Variants in ZNF107 observed in about 807,000 individuals in gnomAD.
ZNF107 encodes zinc finger protein 107, also known as C2H2 type zinc-finger protein.
ZNF107 carries 19 observed loss-of-function variants against 12.3 expected under a neutral mutation model. That is an observed-to-expected ratio of 1.55 (90% confidence interval 1.08 to 2.27). ZNF107 has a LOEUF of 2.27. ZNF107 is among the 30% of genes most tolerant of loss of function. ZNF107 has a pLI of 0.00. For missense variants in ZNF107, 958 were observed against 979.9 expected, an observed-to-expected ratio of 0.98 and a Z score of 0.30; for synonymous variants, 317 against 330.5, an observed-to-expected ratio of 0.96 and a Z score of 0.44.
Position 64,691,292 on chromosome 7 carries a change from G to A in ZNF107, c.48G>A (p.Glu16=). 1 of 1,556,404 alleles carries A rather than the reference G, an allele frequency of 6.4e-7. No homozygotes were observed. The highest frequency in any genetic ancestry group is 1.2e-5 in the South Asian group (1 of 83,790). ...FKDVAIEFSL[E]EWQCLDTAQR... ...ATGTCGCCATAGAATTCTCTCTGGAGGAGTGGCAATGCCTGGATACTGCAC... is the reference window on the plus strand; with the variant it reads ...ATGTCGCCATAGAATTCTCTCTGGAAGAGTGGCAATGCCTGGATACTGCAC... Residue 16 remains glutamate (E), a synonymous_variant, in exon 2 of 4, where the codon GAG becomes GAA. Transcript: ENST00000620827.
At chr7:64,682,832 C>A (rs182553738) in intron 1 of ZNF107, among the ~76,000 whole-genome samples, 4 of 152,266 alleles carry the variant, frequency 2.6e-5, no homozygotes, top group African/African-American at 7.2e-5. Flanking sequence ...TTATTTTAAA[C>A]CCCATGCTAA....
intron 1 of ZNF107, chr7:64,684,846 CCCACTT>C: frequency 2.0e-6 from 1 of 495,044 alleles, no homozygotes; most frequent in Non-Finnish European, 2.6e-6. Context: ...TGGCCGCACT[CCCACTT>C]CCAGTAATGC....
rs1790876971 is a variant in ZNF107 at position 64,711,206 on chromosome 7, A to G, written c.*2550A>G. 6.6e-6 allele frequency: 1 copy of G among 152,152 alleles called. No homozygotes were observed. Among genetic ancestry groups the G allele is most frequent in the African/African-American group, 2.4e-5 (1 of 41,444 alleles). The allele number at this position is 152,152 out of a possible 1,614,324, so 9.4% of individuals were successfully genotyped here. On this transcript the variant is annotated 3_prime_UTR_variant, in exon 4 of 4. Coordinates refer to ENST00000620827, the MANE Select transcript of ZNF107 (RefSeq NM_001282359.2). ...ATAACATAATGGGCTAACATCTCTA[A>G]TAATTATTTTTGCTAGTGACTTTAA... is the stretch of plus-strand genomic sequence containing the variant.
intron 3 of ZNF107, among the ~76,000 whole-genome samples, chr7:64,705,398 C>T (rs1004861914): frequency 7.3e-5 from 11 of 151,348 alleles, no homozygotes; most frequent in African/African-American, 2.7e-4. Context: ...GTTTGTGTTC[C>T]TATTCACTCA....
At position 64,706,548 on chromosome 7, in the gene ZNF107, G is replaced by A; in HGVS notation, c.451G>A (p.Val151Met). The change falls in exon 4 of 4, where the codon GTG (valine) becomes ATG (methionine). Residue 151 changes from valine (V) to methionine (M), a missense_variant. By Grantham distance (21) the Val-to-Met change is conservative. Transcript: ENST00000620827. ...CAAAATATTCCAGTGTAATAAATAT[G>A]TGAAAGTCTTTGATAAATTTTCAAA... ...PSKIFQCNKY[V>M]KVFDKFSNSN... 1 of 1,609,016 alleles carries A rather than the reference G, an allele frequency of 6.2e-7. No individual in the cohort carries two copies. The highest frequency in any genetic ancestry group is 8.5e-7 in the Non-Finnish European group (1 of 1,178,172).
At chr7:64,687,657 A>G (rs1789969301) in intron 1 of ZNF107, 11 of 732,392 alleles carry the variant, frequency 1.5e-5, no homozygotes, top group Non-Finnish European at 1.8e-5. Flanking sequence ...TGACCTCCCA[A>G]ATTACCAGGT....
chr7:64,708,708 A>G lies in ZNF107; in HGVS notation c.*52A>G. 6.6e-7 allele frequency: 1 copy of G among 1,513,928 alleles called. No individual in the cohort carries two copies. Among genetic ancestry groups the G allele is most frequent in the African/African-American group, 1.4e-5 (1 of 71,662 alleles). 93.8% of individuals were successfully genotyped at this position (1,513,928 alleles called of 1,614,324 possible). A position where few individuals can be genotyped will look rare whatever the true frequency, so the allele number is the denominator to read the frequency against. ...GGAAAATTCATACTGGAGAGAAACT[A>G]CAAATGTGAAGAATGTGTTAAAGCC... On this transcript the variant is annotated 3_prime_UTR_variant, in exon 4 of 4. Coordinates refer to ENST00000620827, the MANE Select transcript of ZNF107 (RefSeq NM_001282359.2).
At chr7:64,695,414 G>A (rs2128964190) in intron 3 of ZNF107, among the ~76,000 whole-genome samples, 1 of 152,118 alleles carries the variant, frequency 6.6e-6, no homozygotes, top group African/African-American at 2.4e-5. Flanking sequence ...TTTCTTAATG[G>A]TACATCAATA....
In ZNF107 at chr7:64,709,679, A is replaced by G. The variant is rs1192164241; in HGVS notation, c.*1023A>G. ...CCCCTTATTGCACAGGAAAGCATTT[A>G]TACTTCAGAAAGATTGTACAAATAC... On this transcript the variant is annotated 3_prime_UTR_variant, in exon 4 of 4. Transcript: ENST00000620827. The G allele has an allele frequency of 2.2e-6, 1 of 454,636 alleles. No individual in the cohort carries two copies. The highest frequency in any genetic ancestry group is 2.0e-5 in the African/African-American group (1 of 49,998). 28.2% of individuals were successfully genotyped at this position (454,636 alleles called of 1,614,324 possible).
intron 1 of ZNF107, among the ~76,000 whole-genome samples, chr7:64,684,205 G>A (rs1396063335): frequency 3.9e-5 from 6 of 152,134 alleles, no homozygotes; most frequent in South Asian, 2.1e-4. Context: ...GAACCTACCA[G>A]GTATAGCCCA....
chr7:64,689,032 A>G (rs942814290), intron 1 of ZNF107, among the ~76,000 whole-genome samples: 2 of 151,896 alleles, frequency 1.3e-5, no homozygotes, highest in African/African-American at 4.8e-5. Context: ...TCCTGGCAAC[A>G]TGAATCTTTG....
chr7:64,707,824 A>C lies in ZNF107; in HGVS notation c.1727A>C (p.Gln576Pro), dbSNP rs552401407. ...KCEECGKAFN[Q>P]SYQLTRHKIV... ...GAAGAATGTGGAAAAGCCTTTAATC[A>C]ATCCTATCAACTTACTAGACATAAG... Residue 576 changes from glutamine to proline, a missense_variant, in exon 4 of 4, where the codon CAA becomes CCA. Physicochemically the swap from Gln to Pro is moderately conservative, Grantham distance 76. Coordinates refer to ENST00000620827, the MANE Select transcript of ZNF107 (RefSeq NM_001282359.2). 11 of 1,611,944 alleles carry C rather than the reference A, an allele frequency of 6.8e-6. No individual in the cohort carries two copies. In the African/African-American group the frequency reaches 9.4e-5, roughly 14 times the overall value.
chr7:64,686,762 A>G, intron 1 of ZNF107: 2 of 842,880 alleles, frequency 2.4e-6, no homozygotes, highest in Non-Finnish European at 2.9e-6. Context: ...TCCCAAAACC[A>G]TGTTGTAATT....
chr7:64,687,625 A>G (rs1789968023), intron 1 of ZNF107: 8 of 951,536 alleles, frequency 8.4e-6, no homozygotes, highest in Non-Finnish European at 1.0e-5. Context: ...GTCATTGATT[A>G]TAACCAATTA....
At chr7:64,666,969 T>C (rs1015990462) in intron 1 of ZNF107, among the ~76,000 whole-genome samples, 8 of 127,726 alleles carry the variant, frequency 6.3e-5, no homozygotes, top group Non-Finnish European at 1.3e-4. Context: ...TCATGGTTGA[T>C]TAAGTCTAAA....
At chr7:64,687,428 G>C (rs1049911342) in intron 1 of ZNF107, 1 of 985,510 alleles carries the variant, frequency 1.0e-6, no homozygotes, top group Admixed American at 6.1e-5. Flanking sequence ...TGGCATTGAA[G>C]TGCTGCTGTG....
chr7:64,701,197 C>A (rs1226473851), intron 3 of ZNF107, among the ~76,000 whole-genome samples: 1 of 152,086 alleles, frequency 6.6e-6, no homozygotes, highest in Non-Finnish European at 1.5e-5. Context: ...ACTACCTCAC[C>A]CAATTGTGGT....
chr7:64,681,420 T>A (rs557252459), intron 1 of ZNF107, among the ~76,000 whole-genome samples: 1 of 151,612 alleles, frequency 6.6e-6, no homozygotes, highest in African/African-American at 2.4e-5. Context: ...ACTTGTCCAG[T>A]CCCTCTCCTC....
At position 64,680,026 on chromosome 7, in the gene ZNF107, C is replaced by T. The variant is rs982412052; in HGVS notation, c.4-11222C>T. On this transcript the variant is annotated intron_variant, in intron 1 of 3. Coordinates refer to ENST00000620827, the MANE Select transcript of ZNF107 (RefSeq NM_001282359.2). ...TTTCTCCTCCCTGCCCGTCCGACTC[C>T]GGTCCCAACCCTTCTCCAGACCCCA... Among the ~76,000 whole-genome samples, 3 of 152,094 alleles carry T rather than the reference C, an allele frequency of 2.0e-5. No homozygotes were observed. In the East Asian group the frequency reaches 5.8e-4, roughly 29 times the overall value.
Sources: gnomAD v4.1 joint callset for allele counts (sites outside exome capture counted in the v4.1 genomes callset) on GRCh38, gnomAD v4.1.1 for gene constraint, MANE v1.5 for transcripts, NCBI Gene and HGNC (gene_info 2026-07-23, HGNC 2026-07-21) for gene names.